Variants in FMN1 observed in about 807,000 individuals in gnomAD.
FMN1 encodes the protein formin 1.
FMN1 carries 110 observed loss-of-function variants against 132.4 expected under a neutral mutation model. That is an observed-to-expected ratio of 0.83 (90% CI 0.71 to 0.97). FMN1 has a LOEUF of 0.97. FMN1 is among the 50% of genes least tolerant of loss of function. FMN1 has a pLI of 0.00. For missense variants in FMN1, 1,792 were observed against 1,705.3 expected (o/e 1.05, Z -0.90); for synonymous variants, 722 against 651.7 (o/e 1.11, Z -1.64).
chr15:32,961,286 A>G (rs1343085220), intron 9 of FMN1, among the ~76,000 whole-genome samples: 1 of 151,940 alleles, frequency 6.6e-6, no homozygotes, highest in East Asian at 2.0e-4. Flanking sequence ...GGCGCCCGCC[A>G]CCACACCTGG....
intron 19 of FMN1, among the ~76,000 whole-genome samples, chr15:32,784,189 G>A (rs930689040): frequency 1.3e-5 from 2 of 152,116 alleles, no homozygotes; most frequent in Non-Finnish European, 2.9e-5. Flanking sequence ...CAATAGTTTG[G>A]AGCAGTGTTT....
chr15:32,985,941 G>A (rs970861834), intron 7 of FMN1, among the ~76,000 whole-genome samples: 1 of 152,054 alleles, frequency 6.6e-6, no homozygotes, highest in East Asian at 1.9e-4. Flanking sequence ...ACATTAAGGG[G>A]CCAATGCAGG....
intron 8 of FMN1, among the ~76,000 whole-genome samples, chr15:32,967,588 C>G (rs1181828939): frequency 1.3e-5 from 2 of 152,096 alleles, no homozygotes; most frequent in African/African-American, 2.4e-5. Flanking sequence ...TTTTATGAAC[C>G]ATTCATTTGG....
At chr15:33,118,016 A>C (rs1250964399) in intron 4 of FMN1, among the ~76,000 whole-genome samples, 1 of 152,210 alleles carries the variant, frequency 6.6e-6, no homozygotes, top group Non-Finnish European at 1.5e-5. Flanking sequence ...CAAAATAATG[A>C]TATAGTGTGT....
chr15:32,808,020 T>C (rs74011836), intron 17 of FMN1, among the ~76,000 whole-genome samples: 2 of 152,196 alleles, frequency 1.3e-5, no homozygotes, highest in Admixed American at 6.5e-5. Context: ...GGAAGAACCA[T>C]GTTTAAAGAC....
rs190466325 is a variant in FMN1 at position 32,986,037 on chromosome 15, C to T, written c.2224-16560G>A. On this transcript the variant is annotated intron_variant, in intron 7 of 20. Transcript: ENST00000616417. ...GATGGGAAGAGGGGTCATGAAAATACGCTGAGCAACAAAAAGAGCCTTGAA... is the reference window on the plus strand; with the variant it reads ...GATGGGAAGAGGGGTCATGAAAATATGCTGAGCAACAAAAAGAGCCTTGAA... Among the ~76,000 whole-genome samples the T allele has an allele frequency of 5.0e-3, 763 of 152,170 alleles. 1 individual carries two copies. The highest frequency in any genetic ancestry group is 8.4e-3 in the Non-Finnish European group (569 of 67,974).
At chr15:33,108,026 T>C (rs1328024844) in intron 4 of FMN1, among the ~76,000 whole-genome samples, 1 of 152,054 alleles carries the variant, frequency 6.6e-6, no homozygotes, top group African/African-American at 2.4e-5. Flanking sequence ...GGACTAGAAT[T>C]CAACACTGGC....
At chr15:32,843,977 T>C (rs146870044) in intron 17 of FMN1, among the ~76,000 whole-genome samples, 134 of 152,314 alleles carry the variant, frequency 8.8e-4, no homozygotes, top group African/African-American at 2.7e-3. Context: ...CACTGAAAAA[T>C]GTTATAAATA....
At chr15:33,136,466 A>T (rs1963771099) in intron 4 of FMN1, among the ~76,000 whole-genome samples, 1 of 152,252 alleles carries the variant, frequency 6.6e-6, no homozygotes, top group Admixed American at 6.5e-5. Context: ...ACTATGGAAT[A>T]GTTCTTAAAC....
intron 4 of FMN1, among the ~76,000 whole-genome samples, chr15:33,124,474 T>C (rs1595526785): frequency 6.6e-6 from 1 of 152,236 alleles, no homozygotes; most frequent in African/African-American, 2.4e-5. Context: ...TGCATGACCT[T>C]CTTAAATTAC....
intron 4 of FMN1, among the ~76,000 whole-genome samples, chr15:33,152,372 A>G (rs1333581105): frequency 6.6e-6 from 1 of 152,204 alleles, no homozygotes; most frequent in African/African-American, 2.4e-5. Flanking sequence ...AACAACCCAT[A>G]AGTAAAAGAT....
At chr15:32,994,970 T>A (rs900252946) in intron 7 of FMN1, among the ~76,000 whole-genome samples, 3 of 152,088 alleles carry the variant, frequency 2.0e-5, no homozygotes, top group African/African-American at 2.4e-5. Flanking sequence ...AAAACTGGAA[T>A]GTGTTTCAAT....
At chr15:32,918,695 G>A (rs1006927379) in intron 10 of FMN1, among the ~76,000 whole-genome samples, 4 of 152,148 alleles carry the variant, frequency 2.6e-5, no homozygotes, top group African/African-American at 9.7e-5. Flanking sequence ...TTCTCCAGAG[G>A]GCAGTGGAAT....
intron 4 of FMN1, among the ~76,000 whole-genome samples, chr15:33,134,157 C>T (rs191856521): frequency 1.2e-4 from 19 of 152,182 alleles, no homozygotes; most frequent in Admixed American, 6.5e-4. Context: ...CCATGCTGGT[C>T]GGGCTGGTCT....
At chr15:33,046,232 C>G (rs1461126577) in intron 6 of FMN1, among the ~76,000 whole-genome samples, 2 of 152,158 alleles carry the variant, frequency 1.3e-5, no homozygotes, top group Admixed American at 1.3e-4. Context: ...TTCCTTCCAG[C>G]TTACACATTA....
At chr15:33,029,205 T>TA (rs2035819792) in intron 6 of FMN1, among the ~76,000 whole-genome samples, 1 of 152,088 alleles carries the variant, frequency 6.6e-6, no homozygotes. Context: ...ATTCGATTTA[T>TA]AGCATAGAGA....
intron 3 of FMN1, among the ~76,000 whole-genome samples, chr15:33,166,011 G>A (rs1237221172): frequency 2.6e-5 from 4 of 152,094 alleles, no homozygotes; most frequent in East Asian, 1.9e-4. Context: ...TGTGTGTTTC[G>A]ATTTTATAAA....
intron 5 of FMN1, among the ~76,000 whole-genome samples, chr15:33,071,082 T>C (rs1401217375): frequency 1.3e-5 from 2 of 152,194 alleles, no homozygotes; most frequent in African/African-American, 2.4e-5. Context: ...GCCCAGTTCA[T>C]TGGTGGTCTT....
chr15:33,018,353 C>T (rs11636399), intron 6 of FMN1, among the ~76,000 whole-genome samples: 33,900 of 151,906 alleles, frequency 0.22, 4,791 homozygotes, highest in Non-Finnish European at 0.31. Flanking sequence ...ACCTGAAAGA[C>T]CAAGACATGA....
Sources: gnomAD v4.1 joint callset for allele counts (sites outside exome capture counted in the v4.1 genomes callset) on GRCh38, gnomAD v4.1.1 for gene constraint, MANE v1.5 for transcripts, NCBI Gene and HGNC (gene_info 2026-07-23, HGNC 2026-07-21) for gene names.